ADARB2: variants seen among roughly 807,000 people sequenced by gnomAD.
ADARB2 encodes inactive double-stranded RNA-specific editase B2.
A neutral mutation model predicts 62.2 loss-of-function variants in ADARB2; 25 were observed. The ratio of observed to expected loss-of-function variants is 0.40; its 90% confidence interval spans 0.29 to 0.56. ADARB2 has a LOEUF of 0.56. Ranked by LOEUF, ADARB2 falls within the 20% of genes least tolerant of loss-of-function variation. The pLI, the probability that ADARB2 is intolerant of heterozygous loss-of-function variation, is 0.43. For synonymous variants in ADARB2, 572 were observed against 500.8 expected (o/e 1.14, Z -1.90); for missense variants, 1,071 against 1,077.4 (o/e 0.99, Z 0.08).
At chr10:1,484,770 G>A (rs1831520617) in intron 1 of ADARB2, among the ~76,000 whole-genome samples, 2 of 152,148 alleles carry the variant, frequency 1.3e-5, no homozygotes, top group Non-Finnish European at 2.9e-5. Flanking sequence ...ATACAGGGAG[G>A]GATGGATGTA....
intron 1 of ADARB2, among the ~76,000 whole-genome samples, chr10:1,731,005 C>T (rs1236683191): frequency 6.6e-6 from 1 of 152,210 alleles, no homozygotes; most frequent in East Asian, 1.9e-4. Flanking sequence ...TAAATATCCA[C>T]AGTGCATATG....
intron 1 of ADARB2, among the ~76,000 whole-genome samples, chr10:1,401,387 C>T (rs1248171202): frequency 6.6e-6 from 1 of 152,214 alleles, no homozygotes; most frequent in African/African-American, 2.4e-5. Context: ...TGGGTCCTCT[C>T]CCTGTCAGAG....
chr10:1,434,234 T>G (rs77798037), intron 1 of ADARB2, among the ~76,000 whole-genome samples: 301 of 152,286 alleles, frequency 2.0e-3, no homozygotes, highest in African/African-American at 7.0e-3. Context: ...GAAGAGGTGA[T>G]GTACACAGAG....
intron 3 of ADARB2, among the ~76,000 whole-genome samples, chr10:1,286,937 CATAACATTTTTTTAGAAAAAATACAGAA>C (rs1234802744): frequency 6.6e-6 from 1 of 152,136 alleles, no homozygotes; most frequent in African/African-American, 2.4e-5. Flanking sequence ...TGTGTGCAAA[CATAACATTTTTTTAGAAAAAATACAGAA>C]ATAACTCACC....
intron 1 of ADARB2, among the ~76,000 whole-genome samples, chr10:1,686,776 A>T (rs1163907268): frequency 6.6e-6 from 1 of 152,210 alleles, no homozygotes. Context: ...TTAATTAAGG[A>T]TACTATTATA....
intron 1 of ADARB2, among the ~76,000 whole-genome samples, chr10:1,639,502 C>T (rs1018466335): frequency 3.3e-5 from 5 of 152,308 alleles, no homozygotes; most frequent in Non-Finnish European, 7.4e-5. Flanking sequence ...CACAGCTGAT[C>T]CTTACCCTAA....
intron 3 of ADARB2, among the ~76,000 whole-genome samples, chr10:1,313,051 C>T (rs902150480): frequency 3.3e-5 from 5 of 152,246 alleles, no homozygotes; most frequent in African/African-American, 1.2e-4. Context: ...GCCTTTACAT[C>T]CAATGATACA....
At chr10:1,216,043 C>A (rs951403624) in intron 7 of ADARB2, 1 of 145,818 alleles carries the variant, frequency 6.9e-6, no homozygotes, top group Non-Finnish European at 1.5e-5. Context: ...CAGGGTGTCA[C>A]CAACGTGGGG....
At chr10:1,299,184 C>A (rs769340464) in intron 3 of ADARB2, among the ~76,000 whole-genome samples, 8 of 151,930 alleles carry the variant, frequency 5.3e-5, no homozygotes, top group Non-Finnish European at 1.2e-4. Context: ...TCACAGGGAC[C>A]CCAGCTAATC....
At chr10:1,544,242 C>A (rs531396312) in intron 1 of ADARB2, among the ~76,000 whole-genome samples, 8 of 152,310 alleles carry the variant, frequency 5.3e-5, no homozygotes, top group Admixed American at 5.2e-4. Context: ...CAGGTGGCAC[C>A]AGGGCTGCTG....
intron 2 of ADARB2, among the ~76,000 whole-genome samples, chr10:1,373,377 GTCAC>G (rs375297990): frequency 3.3e-5 from 5 of 152,064 alleles, no homozygotes; most frequent in African/African-American, 9.7e-5. Context: ...GCTCCTCAGA[GTCAC>G]TCACTCAGAC....
chr10:1,666,135 G>A (rs1291041583), intron 1 of ADARB2, among the ~76,000 whole-genome samples: 4 of 152,184 alleles, frequency 2.6e-5, no homozygotes, highest in East Asian at 1.9e-4. Flanking sequence ...AGATGGCACC[G>A]CTATAAAATG....
intron 1 of ADARB2, among the ~76,000 whole-genome samples, chr10:1,562,082 G>A (rs764166114): frequency 9.9e-5 from 15 of 152,234 alleles, no homozygotes; most frequent in Admixed American, 3.9e-4. Flanking sequence ...TTCACAGTGC[G>A]GTTCTCAGGG....
At chr10:1,488,154 T>C (rs1035131590) in intron 1 of ADARB2, among the ~76,000 whole-genome samples, 1 of 151,116 alleles carries the variant, frequency 6.6e-6, no homozygotes, top group African/African-American at 2.4e-5. Context: ...TCATAATTTA[T>C]AAGCTAGTGT....
chr10:1,702,690 C>T (rs1834837753), intron 1 of ADARB2, among the ~76,000 whole-genome samples: 1 of 152,236 alleles, frequency 6.6e-6, no homozygotes, highest in Non-Finnish European at 1.5e-5. Context: ...AGGGTACATG[C>T]TCCTGCCGGC....
At chr10:1,222,504 G>A (rs966243159) in intron 6 of ADARB2, among the ~76,000 whole-genome samples, 3 of 150,164 alleles carry the variant, frequency 2.0e-5, no homozygotes, top group African/African-American at 7.6e-5. Flanking sequence ...CCAATGTCCT[G>A]AATGGTATTG....
intron 2 of ADARB2, among the ~76,000 whole-genome samples, chr10:1,376,561 C>A (rs374040169): frequency 1.3e-5 from 2 of 152,138 alleles, no homozygotes; most frequent in East Asian, 1.9e-4. Flanking sequence ...TGGGCACGTC[C>A]CTCTCTCAGG....
rs755295874 is a variant in ADARB2, at chr10:1,463,957, C to T, written c.101-84797G>A. Among the ~76,000 whole-genome samples the T allele has an allele frequency of 3.3e-5, 5 of 152,242 alleles. 1 individual carries two copies. The South Asian group carries it at 6.2e-4, about 19-fold the overall frequency. ...CCAGCACCATCAGTCATTAGGAAAG[C>T]GCAAACGCAAACCCCCATAAGACGC... On this transcript the variant is annotated intron_variant, in intron 1 of 9. Transcript: ENST00000381312.
intron 1 of ADARB2, among the ~76,000 whole-genome samples, chr10:1,565,682 T>C (rs1046722436): frequency 1.3e-5 from 2 of 152,176 alleles, no homozygotes; most frequent in Admixed American, 6.5e-5. Flanking sequence ...GCAAGCAGCT[T>C]TTTCCTCCTG....
Sources: gnomAD v4.1 joint callset for allele counts (sites outside exome capture counted in the v4.1 genomes callset) on GRCh38, gnomAD v4.1.1 for gene constraint, MANE v1.5 for transcripts, NCBI Gene and HGNC (gene_info 2026-07-23, HGNC 2026-07-21) for gene names.